POLB: variants seen among roughly 807,000 people sequenced by gnomAD.
POLB encodes the protein 5'-dRP lyase.
POLB carries 37 observed loss-of-function variants against 52.7 expected under a neutral mutation model. The observed-to-expected ratio is 0.70, with a 90% CI of 0.54 to 0.92. The LOEUF is 0.92. Among genes scored for constraint, POLB ranks in the 40% least tolerant of loss-of-function variants. The pLI, the probability that POLB is intolerant of heterozygous loss-of-function variation, is 0.00. For synonymous variants in POLB, 138 were observed against 131.3 expected (o/e 1.05, Z -0.35); for missense variants, 313 against 400.8 (o/e 0.78, Z 1.87).
chr8:42,339,066 A>G lies in POLB; in HGVS notation c.116A>G (p.Tyr39Cys). ...VSQAIHKYNA[Y>C]RKAASVIAKY... ...CAAGCTATCCACAAGTACAATGCTTACAGGTGGGACAGTGCAGCATTCTCG... is the reference window on the plus strand; with the variant it reads ...CAAGCTATCCACAAGTACAATGCTTGCAGGTGGGACAGTGCAGCATTCTCG... The change falls in exon 2 of 14, where the codon TAC becomes TGC. Residue 39 changes from tyrosine to cysteine, a missense_variant. By Grantham distance (194) the Tyr-to-Cys change is radical (BLOSUM62 -2). Transcript: ENST00000265421. 6.2e-7 allele frequency: 1 copy of G among 1,611,596 alleles called. No individual in the cohort carries two copies. Among genetic ancestry groups the G allele is most frequent in the Non-Finnish European group, 8.5e-7 (1 of 1,177,626 alleles).
In POLB at chr8:42,338,621, C is replaced by T; in HGVS notation, c.-4C>T. On this transcript the variant is annotated 5_prime_UTR_variant, in exon 1 of 14. Coordinates refer to ENST00000265421, the MANE Select transcript of POLB (RefSeq NM_002690.3). ...CACTCTGGGGTTCTCGGGTGCAGGC[C>T]GCCATGAGCAAACGGAAGGCGCCGC... 6.2e-7 allele frequency: 1 copy of T among 1,613,896 alleles called. No individual in the cohort carries two copies.
At chr8:42,343,345 A>AATAT (rs1554531634) in intron 2 of POLB, among the ~76,000 whole-genome samples, 4 of 33,064 alleles carry the variant, frequency 1.2e-4, no homozygotes, top group East Asian at 1.2e-3. Flanking sequence ...AAAAAAAAAA[A>AATAT]ATATATATAT....
intron 3 of POLB, among the ~76,000 whole-genome samples, chr8:42,347,562 A>G (rs3136739): frequency 0.028 from 4,286 of 152,082 alleles, 77 homozygotes; most frequent in Non-Finnish European, 0.039. Flanking sequence ...CAGAATGAGT[A>G]GTTTGTCTTT....
chr8:42,346,391 T>C (rs1822615364), intron 3 of POLB, among the ~76,000 whole-genome samples: 1 of 151,698 alleles, frequency 6.6e-6, no homozygotes, highest in African/African-American at 2.4e-5. Flanking sequence ...TTTCTTTTTT[T>C]TTTTTTGAGA....
At chr8:42,348,016 A>T (rs1173864722) in intron 3 of POLB, among the ~76,000 whole-genome samples, 1 of 152,176 alleles carries the variant, frequency 6.6e-6, no homozygotes, top group Non-Finnish European at 1.5e-5. Flanking sequence ...AAGACACTAT[A>T]TAGTGCCCAT....
At chr8:42,367,554 A>G (rs1380251690) in intron 11 of POLB, among the ~76,000 whole-genome samples, 3 of 152,244 alleles carry the variant, frequency 2.0e-5, no homozygotes, top group Admixed American at 6.5e-5. Flanking sequence ...CAACTTAGGT[A>G]GTGAAATAAA....
chr8:42,340,147 T>A (rs984077140), intron 2 of POLB: 3 of 152,230 alleles, frequency 2.0e-5, no homozygotes, highest in African/African-American at 4.8e-5. Context: ...GCTGTGAATA[T>A]CTCTTGACTT....
chr8:42,346,869 A>T (rs796621128), intron 3 of POLB, among the ~76,000 whole-genome samples: 1 of 152,184 alleles, frequency 6.6e-6, no homozygotes, highest in Non-Finnish European at 1.5e-5. Flanking sequence ...TGTGGCATAG[A>T]CAGTTCTCAG....
intron 3 of POLB, 121 bp downstream of exon 3, chr8:42,345,140 C>A (rs1229933235): frequency 1.5e-6 from 1 of 652,426 alleles, no homozygotes; most frequent in East Asian, 2.6e-5. Flanking sequence ...TTCACTACTC[C>A]TGATTTCTTG....
rs758602721 is a variant in POLB, at chr8:42,338,582, T to G, written c.-43T>G. ...CCTTCAAGCTGGGAGAGGGCTCTAGTCCCTGGTTCTGAACACTCTGGGGTT... is the reference window on the plus strand; with the variant it reads ...CCTTCAAGCTGGGAGAGGGCTCTAGGCCCTGGTTCTGAACACTCTGGGGTT... On this transcript the variant is annotated 5_prime_UTR_variant, in exon 1 of 14. Transcript: ENST00000265421. 5.1e-6 allele frequency: 8 copies of G among 1,577,166 alleles called. No homozygotes were observed. Among genetic ancestry groups the G allele is most frequent in the Non-Finnish European group, 6.1e-6 (7 of 1,146,454 alleles).
intron 11 of POLB, among the ~76,000 whole-genome samples, chr8:42,363,039 A>G (rs377661884): frequency 6.6e-6 from 1 of 151,630 alleles, no homozygotes; most frequent in African/African-American, 2.4e-5. Flanking sequence ...CGGGAAAATC[A>G]CTTGAACCCA....
chr8:42,353,336 C>T (rs1410671991), intron 6 of POLB, among the ~76,000 whole-genome samples: 1 of 151,720 alleles, frequency 6.6e-6, no homozygotes, highest in Non-Finnish European at 1.5e-5. Context: ...TGGTCTCGGT[C>T]TGACCTTGTG....
chr8:42,354,706 G>A (rs1029718924), intron 6 of POLB, among the ~76,000 whole-genome samples: 1 of 151,952 alleles, frequency 6.6e-6, no homozygotes, highest in Non-Finnish European at 1.5e-5. Flanking sequence ...ACCATGCCTG[G>A]CTAATTTTTG....
rs1026820916 is a variant in POLB at position 42,369,130 on chromosome 8, C to T, written c.709-141C>T. 15 of 574,684 alleles carry T rather than the reference C, an allele frequency of 2.6e-5. No individual in the cohort carries two copies. In the South Asian group the frequency reaches 3.4e-4, roughly 13 times the overall value. The allele number at this position is 574,684 out of a possible 1,614,324, so 35.6% of individuals were successfully genotyped here. On this transcript the variant is annotated intron_variant, in intron 11 of 13. Coordinates refer to ENST00000265421, the MANE Select transcript of POLB (RefSeq NM_002690.3). ...AGAAAGGTAGGGATAGTGTATTGCT[C>T]ACAGAAGCTGCTAAGTTAAAAGTGC...
chr8:42,355,522 G>GA lies in POLB; in HGVS notation c.383dup (p.Asn128LysfsTer2). On this transcript the variant is annotated frameshift_variant, in exon 7 of 14. Transcript: ENST00000265421. LOFTEE classifies it high-confidence loss of function. The stretch of plus-strand genomic sequence containing the variant: ...TTATTTATCTTCTATACAGATCTCA[G>GA]AAAAAATGAAGATAAATTGAACCAT... 2 of 1,571,446 alleles carry GA rather than the reference G, an allele frequency of 1.3e-6. No individual in the cohort carries two copies. Among genetic ancestry groups the GA allele is most frequent in the South Asian group, 1.1e-5 (1 of 89,804 alleles).
chr8:42,365,642 C>G (rs1210806277), intron 11 of POLB, among the ~76,000 whole-genome samples: 1 of 152,188 alleles, frequency 6.6e-6, no homozygotes, highest in Admixed American at 6.5e-5. Flanking sequence ...GAAATCCTTA[C>G]TGGGAAGTGT....
intron 2 of POLB, 49 bp downstream of exon 2, chr8:42,339,118 T>A: frequency 1.4e-6 from 2 of 1,414,910 alleles, no homozygotes; most frequent in Non-Finnish European, 2.0e-6. Flanking sequence ...GGATACCCTG[T>A]TTAGTGTGGC....
In POLB at chr8:42,351,869, C is replaced by T. The variant is rs3136750; in HGVS notation, c.321-650C>T. Among the ~76,000 whole-genome samples, 519 of 152,314 alleles carry T rather than the reference C, an allele frequency of 3.4e-3. 5 individuals carry two copies. The highest frequency in any genetic ancestry group is 0.012 in the African/African-American group (490 of 41,568). ...ACCTGCGTACTGTTCCATAGCACCT[C>T]ATACCGTCACTTACATCACTCTATG... is the stretch of plus-strand genomic sequence containing the variant. On this transcript the variant is annotated intron_variant, in intron 5 of 13. Coordinates refer to ENST00000265421, the MANE Select transcript of POLB (RefSeq NM_002690.3).
chr8:42,350,180 C>T (rs1470814639), intron 5 of POLB, 115 bp downstream of exon 5: 1 of 750,484 alleles, frequency 1.3e-6, no homozygotes, highest in African/African-American at 1.7e-5. Flanking sequence ...TGTACCTTAG[C>T]CATACAGTTC....
Sources: allele counts gnomAD v4.1 joint callset (sites outside exome capture counted in the v4.1 genomes callset), GRCh38; gene constraint gnomAD v4.1.1; transcripts MANE v1.5; gene names NCBI Gene and HGNC (gene_info 2026-07-23, HGNC 2026-07-21).